SDK2: variants seen among roughly 807,000 people sequenced by gnomAD.
SDK2 encodes protein sidekick-2.
SDK2 carries 105 observed loss-of-function variants against 253.9 expected under a neutral mutation model. The ratio of observed to expected loss-of-function variants is 0.41; its 90% CI spans 0.35 to 0.49. SDK2 has a LOEUF of 0.49. Among genes scored for constraint, SDK2 ranks in the 20% least tolerant of loss-of-function variants. SDK2 has a pLI of 0.06. For synonymous variants in SDK2, 1,249 were observed against 1,234.9 expected, an observed-to-expected ratio of 1.01 and a Z score of -0.24; for missense variants, 2,608 against 3,003.0, an observed-to-expected ratio of 0.87 and a Z score of 3.07.
chr17:73,338,649 G>T lies in SDK2; in HGVS notation c.6457C>A (p.Pro2153Thr), dbSNP rs777723121. ...GAGCCTGGGGCCAGGCTGCTGGGGG[G>T]ACGGTAGAGGGTGCTCTGCTGACTT... ...PPSQQSTLYRPPSSLAPGSRA... is the reference protein window; with the variant it reads ...PPSQQSTLYRTPSSLAPGSRA... The change falls in exon 45 of 45, where the codon CCC becomes ACC. Residue 2153 changes from proline (P) to threonine (T), a missense_variant. Pro to Thr is a conservative substitution (Grantham distance 38). Transcript: ENST00000392650. This position sits in a 1 kb window ranked among gnomAD's most constrained non-coding sequence, Gnocchi z 5.0. The T allele has an allele frequency of 6.5e-7, 1 of 1,548,362 alleles. No individual in the cohort carries two copies. Among genetic ancestry groups the T allele is most frequent in the Admixed American group, 2.1e-5 (1 of 48,262 alleles).
intron 13 of SDK2, 140 bp downstream of exon 13, chr17:73,423,776 G>A: frequency 1.3e-6 from 1 of 790,248 alleles, no homozygotes; most frequent in Non-Finnish European, 1.9e-6. Context: ...AAGGATGCTG[G>A]GGGTATGTCC....
intron 1 of SDK2, among the ~76,000 whole-genome samples, chr17:73,632,959 T>C (rs2046287839): frequency 6.6e-6 from 1 of 152,146 alleles, no homozygotes; most frequent in South Asian, 2.1e-4. Context: ...AGATAGCCCA[T>C]GGAGTAGAAT....
chr17:73,522,837 G>A (rs979238985), intron 1 of SDK2, among the ~76,000 whole-genome samples: 28 of 152,234 alleles, frequency 1.8e-4, no homozygotes, highest in African/African-American at 6.5e-4. Flanking sequence ...CATCTCCATG[G>A]TGCCAAGGTT....
rs1315593069 is a variant in SDK2 at position 73,570,917 on chromosome 17, C to A, written c.65-63320G>T. Among the ~76,000 whole-genome samples, 1 of 152,154 alleles carries A rather than the reference C, an allele frequency of 6.6e-6. No homozygotes were observed. Among genetic ancestry groups the A allele is most frequent in the Non-Finnish European group, 1.5e-5 (1 of 68,020 alleles). ...GGGTCTCTGCTCCCCTATTCCTCCT[C>A]AGCCCACAGCCTGGGGTCAAGGGTG... is the stretch of plus-strand genomic sequence containing the variant. On this transcript the variant is annotated intron_variant, in intron 1 of 44. Coordinates refer to ENST00000392650, the MANE Select transcript of SDK2 (RefSeq NM_001144952.2). This position sits in a 1 kb window ranked among gnomAD's most constrained non-coding sequence, Gnocchi z 4.2.
chr17:73,507,165 A>G lies in SDK2; in HGVS notation c.224+273T>C, dbSNP rs528123813. Among the ~76,000 whole-genome samples the G allele has an allele frequency of 7.2e-5, 11 of 152,338 alleles. No homozygotes were observed. The South Asian group carries it at 2.3e-3, about 32-fold the overall frequency. Reference sequence around the variant, plus strand: ...TGCTGTTAGTGAGTCCCTGTGCCCAACACCACCTCTGCTCCTATGCACTGT... The same window carrying G: ...TGCTGTTAGTGAGTCCCTGTGCCCAGCACCACCTCTGCTCCTATGCACTGT... On this transcript the variant is annotated intron_variant, in intron 2 of 44. Coordinates refer to ENST00000392650, the MANE Select transcript of SDK2 (RefSeq NM_001144952.2).
At chr17:73,439,525 G>A (rs759105378) in intron 6 of SDK2, among the ~76,000 whole-genome samples, 102 of 151,986 alleles carry the variant, frequency 6.7e-4, no homozygotes, top group African/African-American at 2.2e-3. Flanking sequence ...GTTTGATACC[G>A]GCCTGGGCAA....
intron 1 of SDK2, among the ~76,000 whole-genome samples, chr17:73,587,678 C>G (rs1249870306): frequency 6.6e-6 from 1 of 152,220 alleles, no homozygotes. Flanking sequence ...GGGGGACAAT[C>G]ACCTTCCTAT....
At chr17:73,625,924 C>T (rs1011486264) in intron 1 of SDK2, among the ~76,000 whole-genome samples, 3 of 152,156 alleles carry the variant, frequency 2.0e-5, no homozygotes, top group African/African-American at 7.2e-5. Flanking sequence ...GGATTATAGG[C>T]GTGAATCACC....
intron 1 of SDK2, among the ~76,000 whole-genome samples, chr17:73,553,019 C>T (rs1201518293): frequency 6.6e-6 from 1 of 152,236 alleles, no homozygotes; most frequent in Non-Finnish European, 1.5e-5. Context: ...TTGGCTGCAG[C>T]TCCCAGGTAG....
chr17:73,585,830 G>T (rs1010592829), intron 1 of SDK2, among the ~76,000 whole-genome samples: 2 of 152,132 alleles, frequency 1.3e-5, no homozygotes, highest in African/African-American at 4.8e-5. Flanking sequence ...TGTGACCCTG[G>T]GAAAGTAACT....
intron 31 of SDK2, 78 bp downstream of exon 31, chr17:73,386,367 C>T (rs2062871894): frequency 9.7e-7 from 1 of 1,035,742 alleles, no homozygotes; most frequent in Non-Finnish European, 1.5e-6. Flanking sequence ...GGAGGCCCCT[C>T]CCCCCGTAAG....
chr17:73,401,221 G>T lies in SDK2; in HGVS notation c.2780-10C>A, dbSNP rs1192779914. The T allele has an allele frequency of 4.5e-6, 7 of 1,540,180 alleles. No individual in the cohort carries two copies. The East Asian group carries it at 1.7e-4, about 38-fold the overall frequency. On this transcript the variant is annotated splice_polypyrimidine_tract_variant and intron_variant, in intron 20 of 44. Coordinates refer to ENST00000392650, the MANE Select transcript of SDK2 (RefSeq NM_001144952.2). Reference sequence around the variant, plus strand: ...CAGGAGATCCGGTACCCTGGGGAGAGCCGCCGTGTTGGCATGAGCTTGGCT... The same window carrying T: ...CAGGAGATCCGGTACCCTGGGGAGATCCGCCGTGTTGGCATGAGCTTGGCT...
At chr17:73,620,444 A>G (rs957983620) in intron 1 of SDK2, among the ~76,000 whole-genome samples, 11 of 152,374 alleles carry the variant, frequency 7.2e-5, no homozygotes, top group Admixed American at 5.2e-4. Flanking sequence ...AAAATGGTTC[A>G]GTAACTGTGG....
intron 44 of SDK2, among the ~76,000 whole-genome samples, chr17:73,341,045 G>T (rs2062432322): frequency 2.3e-5 from 3 of 131,708 alleles, no homozygotes. Context: ...CGGCTGGTCT[G>T]TTTTTTTTTT....
chr17:73,545,332 G>A (rs1446432430), intron 1 of SDK2, among the ~76,000 whole-genome samples: 6 of 152,098 alleles, frequency 3.9e-5, no homozygotes, highest in South Asian at 2.1e-4. Flanking sequence ...TATGTGGTTC[G>A]GGTCCCATGG....
At chr17:73,628,488 A>T (rs186086687) in intron 1 of SDK2, among the ~76,000 whole-genome samples, 1 of 152,172 alleles carries the variant, frequency 6.6e-6, no homozygotes, top group Non-Finnish European at 1.5e-5. Flanking sequence ...GTGAGCTTTT[A>T]TGATGCCCTG....
intron 1 of SDK2, among the ~76,000 whole-genome samples, chr17:73,625,798 C>G (rs572690487): frequency 9.9e-4 from 150 of 152,192 alleles, no homozygotes; most frequent in African/African-American, 3.4e-3. Context: ...GTGCCCGCCA[C>G]CACACCTGGC....
At chr17:73,368,791 C>T (rs2062708968) in intron 36 of SDK2, among the ~76,000 whole-genome samples, 198 bp from the exon 37 acceptor site, 3 of 152,162 alleles carry the variant, frequency 2.0e-5, no homozygotes, top group African/African-American at 7.2e-5. Context: ...GGGTGGATCA[C>T]TTGAGGCCAG....
chr17:73,485,687 T>C (rs1283695303), intron 2 of SDK2, among the ~76,000 whole-genome samples: 1 of 152,238 alleles, frequency 6.6e-6, no homozygotes. Context: ...TAATGTTTCA[T>C]GTCAGATGAA....
Sources: gnomAD v4.1 joint callset for allele counts (sites outside exome capture counted in the v4.1 genomes callset) on GRCh38, gnomAD v4.1.1 for gene constraint, Gnocchi (gnomAD v3.1) non-coding constraint, MANE v1.5 for transcripts, NCBI Gene and HGNC (gene_info 2026-07-23, HGNC 2026-07-21) for gene names.